The following CCDC186 variants were observed in gnomAD, a reference collection of about 807,000 sequenced individuals.
CCDC186 encodes the protein coiled-coil domain containing 186, also known as coiled-coil domain-containing protein 186.
A neutral mutation model predicts 113.7 loss-of-function variants in CCDC186; 49 were observed. The observed-to-expected ratio is 0.43, with a 90% CI of 0.34 to 0.55. The LOEUF is 0.55. Ranked by LOEUF, CCDC186 falls within the 20% of genes least tolerant of loss-of-function variation. CCDC186 has a pLI of 0.02. For missense variants in CCDC186, 890 were observed against 1,011.1 expected (o/e 0.88, Z 1.62); for synonymous variants, 355 against 345.8 (o/e 1.03, Z -0.30).
intron 1 of CCDC186, among the ~76,000 whole-genome samples, chr10:114,165,039 T>C (rs1336609429): frequency 6.6e-6 from 1 of 152,224 alleles, no homozygotes; most frequent in Admixed American, 6.5e-5. Context: ...ATTCTAGGAA[T>C]GTCGAAAATG....
chr10:114,137,439 AAATT>A, intron 6 of CCDC186, 149 bp from the exon 7 acceptor site: 1 of 614,746 alleles, frequency 1.6e-6, no homozygotes, highest in Non-Finnish European at 2.9e-6. Flanking sequence ...TTCTGACAAA[AAATT>A]AAAATGATCT....
In CCDC186 at chr10:114,131,280, T is replaced by C; in HGVS notation, c.1968A>G (p.Gln656=). ...CTGTTTGTCTACAAGCGAGTTCAGC[T>C]TGCAGAGTTTGGACTTCCTCTTTTC... The part of the protein sequence containing the change: ...ELRKEEVQTL[Q]AELACRQTEV... The change falls in exon 12 of 16, where the codon CAA becomes CAG. Residue 656 remains glutamine (Q), a synonymous_variant. Transcript: ENST00000369287. 6.2e-7 allele frequency: 1 copy of C among 1,602,670 alleles called. No homozygotes were observed. The highest frequency in any genetic ancestry group is 1.3e-5 in the African/African-American group (1 of 74,456).
intron 1 of CCDC186, chr10:114,173,201 T>C (rs1434862375): frequency 4.4e-6 from 2 of 455,874 alleles, no homozygotes; most frequent in Non-Finnish European, 8.8e-6. Flanking sequence ...GGTAACAAGA[T>C]TATCAAGTGA....
intron 12 of CCDC186, 58 bp downstream of exon 12, chr10:114,131,089 T>A (rs2119694423): frequency 7.6e-7 from 1 of 1,309,820 alleles, no homozygotes; most frequent in South Asian, 2.1e-5. Context: ...AAAAATAAAA[T>A]CCTAATGATT....
intron 9 of CCDC186, among the ~76,000 whole-genome samples, chr10:114,135,438 A>G (rs2031228156): frequency 1.3e-5 from 2 of 152,220 alleles, no homozygotes; most frequent in South Asian, 4.1e-4. Context: ...TCATATTCAT[A>G]TTAGAAGACA....
intron 4 of CCDC186, among the ~76,000 whole-genome samples, chr10:114,146,268 T>C (rs753793237): frequency 1.5e-4 from 23 of 152,168 alleles, no homozygotes; most frequent in Non-Finnish European, 2.9e-4. Context: ...CCCTCTGGGG[T>C]GTAATACCTG....
At chr10:114,173,914 C>G (rs866822381) in intron 1 of CCDC186, 101 bp downstream of exon 1, 1 of 415,406 alleles carries the variant, frequency 2.4e-6, no homozygotes, top group Admixed American at 2.6e-5. Flanking sequence ...CTCGCCCTCG[C>G]CCCCGCCACG....
chr10:114,168,915 AC>A (rs2032409568), intron 1 of CCDC186, among the ~76,000 whole-genome samples: 1 of 152,242 alleles, frequency 6.6e-6, no homozygotes, highest in South Asian at 2.1e-4. Context: ...ATGCAAAGGT[AC>A]TAAGAGATAC....
At chr10:114,137,621 G>C (rs897387445) in intron 6 of CCDC186, among the ~76,000 whole-genome samples, 6 of 152,064 alleles carry the variant, frequency 3.9e-5, no homozygotes, top group Admixed American at 6.5e-5. Flanking sequence ...ACCGTCTTTT[G>C]GCCGGACGTG....
rs1178830532 is a variant in CCDC186, at chr10:114,151,079, A to G, written c.888+13T>C. 2 of 1,605,562 alleles carry G rather than the reference A, an allele frequency of 1.2e-6. No homozygotes were observed. Among genetic ancestry groups the G allele is most frequent in the Non-Finnish European group, 1.7e-6 (2 of 1,177,908 alleles). ...GAATATCAAGTTAATAATGACAACGATGTGAGAAATACCTGTTCCATCCGT... is the reference window on the plus strand; with the variant it reads ...GAATATCAAGTTAATAATGACAACGGTGTGAGAAATACCTGTTCCATCCGT... On this transcript the variant is annotated intron_variant, in intron 4 of 15. Transcript: ENST00000369287.
intron 2 of CCDC186, among the ~76,000 whole-genome samples, chr10:114,157,954 T>C (rs1004686225): frequency 3.9e-5 from 6 of 152,276 alleles, no homozygotes; most frequent in Non-Finnish European, 7.3e-5. Context: ...TCCAGATTTA[T>C]ACCTTCAGGT....
chr10:114,125,209 A>C lies in CCDC186; in HGVS notation c.2631T>G (p.Leu877=). 6.2e-7 allele frequency: 1 copy of C among 1,610,770 alleles called. No homozygotes were observed. Among genetic ancestry groups the C allele is most frequent in the Non-Finnish European group, 8.5e-7 (1 of 1,178,014 alleles). ...TAATAAGACGTTCTATTTCTGTTCC[A>C]AGTGTTTGTAGATTTTCCTTTAATA... is the stretch of plus-strand genomic sequence containing the variant. ...NITLKENLQT[L]GTEIERLIKH... The change falls in exon 16 of 16, where the codon CTT becomes CTG. Residue 877 remains leucine, a synonymous_variant. Transcript: ENST00000369287.
At chr10:114,154,210 CAAAA>C (rs1276405190) in intron 3 of CCDC186, among the ~76,000 whole-genome samples, 1 of 81,186 alleles carries the variant, frequency 1.2e-5, no homozygotes, top group Non-Finnish European at 2.7e-5. Context: ...GACCTTGTCT[CAAAA>C]AAAAAAAAAA....
chr10:114,136,369 C>T, intron 7 of CCDC186, 123 bp from the exon 8 acceptor site: 1 of 628,296 alleles, frequency 1.6e-6, no homozygotes, highest in Admixed American at 3.0e-5. Context: ...GGATAAGAGA[C>T]AAGTTCTGTT....
chr10:114,157,771 C>G (rs1360064243), intron 2 of CCDC186, 91 bp from the exon 3 acceptor site: 5 of 941,056 alleles, frequency 5.3e-6, no homozygotes, highest in South Asian at 4.9e-5. Context: ...GATCAGGGTA[C>G]AGATATCTAT....
chr10:114,140,696 A>C (rs911629320), intron 6 of CCDC186, among the ~76,000 whole-genome samples: 4 of 152,186 alleles, frequency 2.6e-5, no homozygotes, highest in African/African-American at 7.2e-5. Context: ...TGTCCTCTGC[A>C]GTTTTTAATC....
chr10:114,159,510 G>C (rs1286121305), intron 2 of CCDC186, among the ~76,000 whole-genome samples: 3 of 151,946 alleles, frequency 2.0e-5, no homozygotes, highest in Non-Finnish European at 4.4e-5. Context: ...GGGTGTGGTA[G>C]GGCGTGCCTG....
chr10:114,161,092 C>G (rs1482503025), intron 2 of CCDC186, among the ~76,000 whole-genome samples: 1 of 152,192 alleles, frequency 6.6e-6, no homozygotes, highest in Admixed American at 6.5e-5. Flanking sequence ...TGTCACTGTT[C>G]TGACAGGATG....
chr10:114,160,199 G>A (rs983969495), intron 2 of CCDC186, among the ~76,000 whole-genome samples: 1 of 151,796 alleles, frequency 6.6e-6, no homozygotes, highest in African/African-American at 2.4e-5. Flanking sequence ...GAATCCAGGA[G>A]GCAGAGGTTG....
Sources: allele counts gnomAD v4.1 joint callset (sites outside exome capture counted in the v4.1 genomes callset), GRCh38; gene constraint gnomAD v4.1.1; transcripts MANE v1.5; gene names NCBI Gene and HGNC (gene_info 2026-07-23, HGNC 2026-07-21).